RTN4RL1: variants seen among roughly 807,000 people sequenced by gnomAD.
RTN4RL1 encodes reticulon-4 receptor-like 1.
In RTN4RL1, 7 loss-of-function variants were observed where a neutral mutation model predicts 25.6. The ratio of observed to expected loss-of-function variants is 0.27; its 90% confidence interval spans 0.16 to 0.51. The LOEUF is 0.51. Ranked by LOEUF, RTN4RL1 falls within the 20% of genes least tolerant of loss-of-function variation. The pLI is 0.97. For synonymous variants in RTN4RL1, 297 were observed against 288.2 expected (o/e 1.03, Z -0.31); for missense variants, 500 against 615.6 (o/e 0.81, Z 1.99).
chr17:1,991,511 G>A (rs1323366938), intron 1 of RTN4RL1, among the ~76,000 whole-genome samples: 1 of 144,824 alleles, frequency 6.9e-6, no homozygotes, highest in African/African-American at 2.6e-5. Flanking sequence ...TAAAAAGTAA[G>A]TCTCCTTTCC....
chr17:1,997,845 C>T (rs1273158684), intron 1 of RTN4RL1, among the ~76,000 whole-genome samples: 1 of 152,128 alleles, frequency 6.6e-6, no homozygotes, highest in Non-Finnish European at 1.5e-5. Context: ...GGCCTGCATC[C>T]CCGCAGACCC....
At chr17:1,996,769 T>C (rs575918109) in intron 1 of RTN4RL1, among the ~76,000 whole-genome samples, 131 of 152,276 alleles carry the variant, frequency 8.6e-4, no homozygotes, top group African/African-American at 3.1e-3. Context: ...CATGTCAACA[T>C]TTTCTAATGC....
At chr17:1,963,521 CT>C (rs2066775227) in intron 1 of RTN4RL1, among the ~76,000 whole-genome samples, 1 of 152,244 alleles carries the variant, frequency 6.6e-6, no homozygotes. Flanking sequence ...CCTTCAGGGG[CT>C]CCCTGCTGCC....
intron 1 of RTN4RL1, among the ~76,000 whole-genome samples, chr17:1,957,228 A>C (rs1024880534): frequency 6.6e-6 from 1 of 152,168 alleles, no homozygotes; most frequent in African/African-American, 2.4e-5. Flanking sequence ...GTCACCTTTC[A>C]GAACATTCAG....
In RTN4RL1 at chr17:1,944,312, T is replaced by A. The variant is rs1215324136; in HGVS notation, c.14-6504A>T. ...AAAGCTCCAGCGTGGCCCTCTTGTC[T>A]GCGGACGTCGGCCTCCCCCACATCT... On this transcript the variant is annotated intron_variant, in intron 1 of 1. Coordinates refer to ENST00000331238, the MANE Select transcript of RTN4RL1 (RefSeq NM_178568.4). 2.0e-5 allele frequency among the ~76,000 whole-genome samples: 3 copies of A among 152,170 alleles called. No homozygotes were observed. The East Asian group carries it at 5.8e-4, about 29-fold the overall frequency.
At chr17:1,972,976 G>C (rs1160683501) in intron 1 of RTN4RL1, among the ~76,000 whole-genome samples, 1 of 152,204 alleles carries the variant, frequency 6.6e-6, no homozygotes, top group Non-Finnish European at 1.5e-5. Context: ...GCTCCAGCGG[G>C]GATATCAGGT....
rs375869011 is a variant in RTN4RL1 at position 1,959,837 on chromosome 17, A to G, written c.14-22029T>C. On this transcript the variant is annotated intron_variant, in intron 1 of 1. Coordinates refer to ENST00000331238, the MANE Select transcript of RTN4RL1 (RefSeq NM_178568.4). ...CTCGGCCTCCCAAAGTGCTGGGATT[A>G]CAGGCGTGAGCCACCGCGCCCAGCC... 5.3e-5 allele frequency among the ~76,000 whole-genome samples: 8 copies of G among 152,284 alleles called. No homozygotes were observed. The East Asian group carries it at 7.7e-4, about 15-fold the overall frequency.
At chr17:2,006,937 A>G (rs1209803568) in intron 1 of RTN4RL1, among the ~76,000 whole-genome samples, 2 of 151,926 alleles carry the variant, frequency 1.3e-5, no homozygotes, top group African/African-American at 4.8e-5. Flanking sequence ...CTTTTTTTTA[A>G]TGTGTGCTCA....
intron 1 of RTN4RL1, among the ~76,000 whole-genome samples, chr17:2,015,312 G>C (rs1337786646): frequency 6.6e-6 from 1 of 152,200 alleles, no homozygotes; most frequent in Admixed American, 6.5e-5. Flanking sequence ...GACACGCCGG[G>C]TTTGAGAGGC....
intron 1 of RTN4RL1, among the ~76,000 whole-genome samples, chr17:1,987,381 G>A (rs1311006717): frequency 3.9e-5 from 6 of 152,148 alleles, no homozygotes; most frequent in Admixed American, 3.9e-4. Flanking sequence ...CCTTTTCCGG[G>A]AGGAGGGACA....
At chr17:1,964,774 ATTTCT>A (rs1316144471) in intron 1 of RTN4RL1, among the ~76,000 whole-genome samples, 3 of 141,336 alleles carry the variant, frequency 2.1e-5, no homozygotes, top group East Asian at 2.1e-4. Flanking sequence ...TACAGTTTGC[ATTTCT>A]TTTCTTTTCT....
intron 1 of RTN4RL1, among the ~76,000 whole-genome samples, chr17:1,977,976 C>A (rs1305514211): frequency 6.6e-6 from 1 of 151,672 alleles, no homozygotes; most frequent in African/African-American, 2.4e-5. Flanking sequence ...CCCCGCACCC[C>A]TCATCCCGCA....
rs759023275 is a variant in RTN4RL1, at chr17:1,937,593, C to T, written c.229G>A (p.Ala77Thr). The T allele has an allele frequency of 3.1e-6, 5 of 1,613,856 alleles. No individual in the cohort carries two copies. The highest frequency in any genetic ancestry group is 2.2e-5 in the South Asian group (2 of 91,074). ...GLLQPGHFSP[A>T]MVTLWIYSNN... ...GAGTAGATCCACAGGGTGACCATGG[C>T]GGGGCTGAAGTGGCCGGGCTGGAGG... The change falls in exon 2 of 2, where the codon GCC becomes ACC. Residue 77 changes from alanine to threonine, a missense_variant. Transcript: ENST00000331238.
At chr17:1,974,168 T>A (rs953279289) in intron 1 of RTN4RL1, among the ~76,000 whole-genome samples, 7 of 150,760 alleles carry the variant, frequency 4.6e-5, no homozygotes, top group African/African-American at 1.7e-4. Flanking sequence ...CGAAACTCCA[T>A]CTTTACAAAA....
In RTN4RL1 at chr17:2,025,060, C is replaced by A. The variant is rs111691080; in HGVS notation, c.-195G>T. On this transcript the variant is annotated 5_prime_UTR_variant, in exon 1 of 2. Coordinates refer to ENST00000331238, the MANE Select transcript of RTN4RL1 (RefSeq NM_178568.4). This position sits in a 1 kb window ranked among gnomAD's most constrained non-coding sequence, Gnocchi z 4.8. ...CAGCCCCGCGCCGAGGGCACCGGCG[C>A]CCGCAAGCAACCGTGGTGCTGCCCG... 1 of 457,086 alleles carries A rather than the reference C, an allele frequency of 2.2e-6. No homozygotes were observed. Among genetic ancestry groups the A allele is most frequent in the East Asian group, 3.7e-5 (1 of 27,030 alleles). The allele number at this position is 457,086 out of a possible 1,614,324, so 28.3% of individuals were successfully genotyped here. A position where few individuals can be genotyped will look rare whatever the true frequency, so the allele number is the denominator to read the frequency against.
chr17:2,008,282 AAG>A (rs2067015920), intron 1 of RTN4RL1, among the ~76,000 whole-genome samples: 1 of 152,052 alleles, frequency 6.6e-6, no homozygotes, highest in Non-Finnish European at 1.5e-5. Context: ...AAAAAAAAAA[AAG>A]ACCACCCCAA....
chr17:2,016,610 C>T (rs2067127277), intron 1 of RTN4RL1, among the ~76,000 whole-genome samples: 1 of 152,244 alleles, frequency 6.6e-6, no homozygotes. Flanking sequence ...GGGTTGCATA[C>T]AGGGCTGCGG....
intron 1 of RTN4RL1, among the ~76,000 whole-genome samples, chr17:2,015,640 T>C (rs1174174322): frequency 1.3e-5 from 2 of 152,066 alleles, no homozygotes; most frequent in African/African-American, 4.8e-5. Flanking sequence ...AAAAGGTCTG[T>C]CGGGTTTAGT....
At chr17:2,010,046 T>C (rs1270478196) in intron 1 of RTN4RL1, among the ~76,000 whole-genome samples, 1 of 128,838 alleles carries the variant, frequency 7.8e-6, no homozygotes, top group Non-Finnish European at 1.6e-5. Context: ...AGGCCTCTGT[T>C]CGAATGTCCG....
Sources: allele counts gnomAD v4.1 joint callset (sites outside exome capture counted in the v4.1 genomes callset), GRCh38; gene constraint gnomAD v4.1.1; non-coding constraint Gnocchi (gnomAD v3.1); transcripts MANE v1.5; gene names NCBI Gene and HGNC (gene_info 2026-07-23, HGNC 2026-07-21).